The following BOLL variants were observed in gnomAD, a reference collection of about 807,000 sequenced individuals.
BOLL encodes protein boule-like.
A neutral mutation model predicts 44.4 loss-of-function variants in BOLL; 23 were observed. The ratio of observed to expected loss-of-function variants is 0.52; its 90% CI spans 0.37 to 0.73. The LOEUF (loss-of-function observed/expected upper bound fraction) is 0.73. Among genes scored for constraint, BOLL ranks in the 30% least tolerant of loss-of-function variants. The pLI is 0.00. For synonymous variants in BOLL, 97 were observed against 110.8 expected (o/e 0.88, Z 0.78); for missense variants, 287 against 338.3 (o/e 0.85, Z 1.19).
At chr2:197,737,837 C>T (rs188391856) in intron 10 of BOLL, among the ~76,000 whole-genome samples, 129 of 152,136 alleles carry the variant, frequency 8.5e-4, no homozygotes, top group African/African-American at 3.0e-3. Context: ...CTTTGTCGAC[C>T]ATTAGTTGTG....
chr2:197,747,383 A>G (rs920542115), intron 9 of BOLL, among the ~76,000 whole-genome samples: 12 of 152,038 alleles, frequency 7.9e-5, no homozygotes, highest in African/African-American at 2.9e-4. Context: ...GGAGATTGAG[A>G]CCATCCTGGC....
At chr2:197,739,806 T>A (rs1687654656) in intron 10 of BOLL, among the ~76,000 whole-genome samples, 2 of 152,170 alleles carry the variant, frequency 1.3e-5, no homozygotes, top group Admixed American at 6.6e-5. Context: ...CCTATCCAAA[T>A]ACCACCCACC....
At chr2:197,766,393 T>C (rs1175555655) in intron 7 of BOLL, 139 bp downstream of exon 7, 11 of 743,322 alleles carry the variant, frequency 1.5e-5, no homozygotes, top group African/African-American at 8.8e-5. Flanking sequence ...GGTATATCAA[T>C]GTGGTTTTGA....
At chr2:197,743,207 C>G in intron 9 of BOLL, 48 bp from the exon 10 acceptor site, 1 of 1,380,098 alleles carries the variant, frequency 7.2e-7, no homozygotes. Context: ...TCTATTAATT[C>G]TAAATATTTA....
At chr2:197,785,362 G>GCGGGA, upstream of BOLL, 16 of 985,790 alleles carry the variant, frequency 1.6e-5, no homozygotes, top group Non-Finnish European at 1.9e-5. The surrounding 1 kb of genome is among the most constrained non-coding windows in gnomAD (Gnocchi z 6.7). Flanking sequence ...GCTGCTGGCG[G>GCGGGA]CGGGACGGGG....
chr2:197,769,395 T>G lies in BOLL; in HGVS notation c.480+2460A>C, dbSNP rs1258048176. On this transcript the variant is annotated intron_variant, in intron 6 of 10. Transcript: ENST00000392296. ...TCTTCCTGGTTTAGTCTTGGGAGGGTGTATGTGTCCAGGAATTTATCCATT... is the reference window on the plus strand; with the variant it reads ...TCTTCCTGGTTTAGTCTTGGGAGGGGGTATGTGTCCAGGAATTTATCCATT... Among the ~76,000 whole-genome samples, 4 of 152,038 alleles carry G rather than the reference T, an allele frequency of 2.6e-5. No individual in the cohort carries two copies. In the East Asian group the frequency reaches 5.8e-4, roughly 22 times the overall value.
intron 7 of BOLL, 76 bp from the exon 8 acceptor site, chr2:197,757,476 A>T: frequency 7.5e-7 from 1 of 1,324,604 alleles, no homozygotes; most frequent in Non-Finnish European, 1.1e-6. Context: ...TACAGGCAAA[A>T]ATATGAAGTT....
At chr2:197,782,402 C>T (rs1689830776) in intron 1 of BOLL, among the ~76,000 whole-genome samples, 1 of 152,204 alleles carries the variant, frequency 6.6e-6, no homozygotes, top group South Asian at 2.1e-4. Context: ...ACAAGAATAA[C>T]CAAACAACCC....
At chr2:197,738,306 C>T (rs963180165) in intron 10 of BOLL, among the ~76,000 whole-genome samples, 1 of 152,080 alleles carries the variant, frequency 6.6e-6, no homozygotes, top group Non-Finnish European at 1.5e-5. Flanking sequence ...GCCTTAAACT[C>T]CTGGCTCAAG....
At chr2:197,752,653 A>C (rs1688316018) in intron 9 of BOLL, among the ~76,000 whole-genome samples, 1 of 152,232 alleles carries the variant, frequency 6.6e-6, no homozygotes. Context: ...GAAATATGAG[A>C]GGACACAATC....
Position 197,757,420 on chromosome 2 carries a change from A to G in BOLL, c.553-20T>C, listed in dbSNP as rs1202783334. On this transcript the variant is annotated intron_variant, in intron 7 of 10. Coordinates refer to ENST00000392296, the MANE Select transcript of BOLL (RefSeq NM_033030.6). ...GGTGGCCTAAAATTAAATAAAAGAA[A>G]AGAAAAACCCATTCTGATTATAAAC... 2 of 1,601,458 alleles carry G rather than the reference A, an allele frequency of 1.2e-6. No homozygotes were observed. Among genetic ancestry groups the G allele is most frequent in the Non-Finnish European group, 1.7e-6 (2 of 1,173,770 alleles).
chr2:197,736,571 A>G (rs923573887), intron 10 of BOLL, among the ~76,000 whole-genome samples: 2 of 152,100 alleles, frequency 1.3e-5, no homozygotes, highest in African/African-American at 4.8e-5. Flanking sequence ...TCTATGTATT[A>G]TTTTTACAAC....
intron 5 of BOLL, chr2:197,774,011 C>T (rs1030703512): frequency 3.9e-5 from 18 of 457,790 alleles, no homozygotes; most frequent in African/African-American, 8.2e-5. Context: ...TATTTTTCTT[C>T]GCAGAAAAGT....
intron 10 of BOLL, among the ~76,000 whole-genome samples, chr2:197,728,942 G>C (rs1350717168): frequency 6.6e-6 from 1 of 152,170 alleles, no homozygotes; most frequent in African/African-American, 2.4e-5. Context: ...TTTGGCAGGA[G>C]GCTATTTAGA....
intron 10 of BOLL, among the ~76,000 whole-genome samples, chr2:197,737,732 G>C (rs1057314562): frequency 6.6e-6 from 1 of 152,100 alleles, no homozygotes; most frequent in Non-Finnish European, 1.5e-5. Context: ...AGATATAGTT[G>C]CTAATTTTTA....
Position 197,785,071 on chromosome 2 carries a change from C to T in BOLL, c.-31G>A. 1.0e-6 allele frequency: 1 copy of T among 986,034 alleles called. No homozygotes were observed. Among genetic ancestry groups the T allele is most frequent in the Non-Finnish European group, 1.2e-6 (1 of 829,946 alleles). 61.1% of individuals were successfully genotyped at this position (986,034 alleles called of 1,614,324 possible). A position where few individuals can be genotyped will look rare whatever the true frequency, so the allele number is the denominator to read the frequency against. ...GCGGGCTAACCGTCGCAGTCACTGC[C>T]TCGGCGCTCCTCCCCCTCCAAGGCC... On this transcript the variant is annotated 5_prime_UTR_variant, in exon 1 of 11. Coordinates refer to ENST00000392296, the MANE Select transcript of BOLL (RefSeq NM_033030.6). This position sits in a 1 kb window ranked among gnomAD's most constrained non-coding sequence, Gnocchi z 6.7.
At chr2:197,743,002 G>A in intron 10 of BOLL, 59 bp downstream of exon 10, 2 of 1,341,698 alleles carry the variant, frequency 1.5e-6, no homozygotes, top group East Asian at 5.1e-5. Context: ...AGAGAAAGTT[G>A]GAAAACTTGA....
chr2:197,735,943 C>A (rs1687464273), intron 10 of BOLL, among the ~76,000 whole-genome samples: 1 of 152,036 alleles, frequency 6.6e-6, no homozygotes, highest in Admixed American at 6.6e-5. Flanking sequence ...CACTAAAATC[C>A]TAATGGGAAG....
At chr2:197,779,805 C>T (rs1689685673) in intron 2 of BOLL, among the ~76,000 whole-genome samples, 1 of 151,906 alleles carries the variant, frequency 6.6e-6, no homozygotes, top group South Asian at 2.1e-4. Context: ...AGAATACTGA[C>T]ACTAAATTCA....
Sources: gnomAD v4.1 joint callset for allele counts (sites outside exome capture counted in the v4.1 genomes callset) on GRCh38, gnomAD v4.1.1 for gene constraint, Gnocchi (gnomAD v3.1) non-coding constraint, MANE v1.5 for transcripts, NCBI Gene and HGNC (gene_info 2026-07-23, HGNC 2026-07-21) for gene names.